The following RIPOR3 variants were observed in gnomAD, a reference collection of about 807,000 sequenced individuals.
RIPOR3 encodes family with sequence similarity 65 member C.
RIPOR3 carries 95 observed loss-of-function variants against 114.3 expected under a neutral mutation model. That is an observed-to-expected ratio of 0.83 (90% CI 0.70 to 0.99). The LOEUF (loss-of-function observed/expected upper bound fraction) is 0.99. Ranked by LOEUF, RIPOR3 falls within the 50% of genes least tolerant of loss-of-function variation. RIPOR3 has a pLI of 0.00. For missense variants in RIPOR3, 1,252 were observed against 1,266.9 expected, an observed-to-expected ratio of 0.99 and a Z score of 0.18; for synonymous variants, 575 against 543.8, an observed-to-expected ratio of 1.06 and a Z score of -0.80.
At chr20:50,604,917 T>C in intron 11 of RIPOR3, 143 bp from the exon 12 acceptor site, 1 of 1,048,978 alleles carries the variant, frequency 9.5e-7, no homozygotes, top group Non-Finnish European at 1.3e-6. Context: ...TGAGGAGCTC[T>C]GCTCTAAACT....
intron 19 of RIPOR3, among the ~76,000 whole-genome samples, chr20:50,590,582 G>A (rs914308009): frequency 6.6e-6 from 1 of 152,200 alleles, no homozygotes; most frequent in African/African-American, 2.4e-5. Context: ...AAGACAGACT[G>A]GGAGTAGGAT....
At chr20:50,669,725 G>A (rs548441633) in intron 1 of RIPOR3, among the ~76,000 whole-genome samples, 140 of 152,216 alleles carry the variant, frequency 9.2e-4, no homozygotes, top group African/African-American at 3.1e-3. Flanking sequence ...GGTCCCCTCC[G>A]GGCCAGGATG....
chr20:50,594,682 G>A lies in RIPOR3; in HGVS notation c.2083C>T (p.Leu695=), dbSNP rs550490028. ...IPQASRTKGC[L]KLWRGCTGPG... The stretch of plus-strand genomic sequence containing the variant: ...CCTGTGCACCCTCTCCACAGCTTCA[G>A]GCACCCCTTCGTCCGCGAGGCCTGT... The change falls in exon 17 of 22, where the codon CTG becomes TTG. Residue 695 remains leucine, a synonymous_variant. Coordinates refer to ENST00000327979, the MANE Select transcript of RIPOR3 (RefSeq NM_001290268.2). The A allele has an allele frequency of 1.2e-6, 2 of 1,612,834 alleles. No individual in the cohort carries two copies. Among genetic ancestry groups the A allele is most frequent in the East Asian group, 2.2e-5 (1 of 44,852 alleles).
chr20:50,652,903 T>G (rs981874576), intron 1 of RIPOR3, among the ~76,000 whole-genome samples: 6 of 152,164 alleles, frequency 3.9e-5, no homozygotes, highest in African/African-American at 1.4e-4. Context: ...TGGTTAAGTA[T>G]GAAATTAAGC....
At chr20:50,655,946 A>G (rs554742115) in intron 1 of RIPOR3, among the ~76,000 whole-genome samples, 8 of 152,066 alleles carry the variant, frequency 5.3e-5, no homozygotes, top group Non-Finnish European at 1.0e-4. Context: ...TATGAAGAAG[A>G]AAGTAAAAAT....
intron 1 of RIPOR3, among the ~76,000 whole-genome samples, chr20:50,664,340 T>C (rs2086111190): frequency 6.6e-6 from 1 of 152,032 alleles, no homozygotes; most frequent in Non-Finnish European, 1.5e-5. Context: ...ACAGCGTGGC[T>C]GCTAGGCTGT....
chr20:50,629,393 C>A (rs899018678), intron 2 of RIPOR3, among the ~76,000 whole-genome samples: 1 of 152,192 alleles, frequency 6.6e-6, no homozygotes, highest in African/African-American at 2.4e-5. Flanking sequence ...GGCCTGCCTG[C>A]TCGTAAATGG....
At position 50,630,761 on chromosome 20, in the gene RIPOR3, G is replaced by A. The variant is rs1388919207; in HGVS notation, c.99C>T (p.Ser33=). The A allele has an allele frequency of 1.2e-6, 2 of 1,611,834 alleles. No individual in the cohort carries two copies. The highest frequency in any genetic ancestry group is 1.7e-6 in the Non-Finnish European group (2 of 1,179,476). Residue 33 remains serine, a synonymous_variant, in exon 2 of 22, where the codon AGC becomes AGT. Transcript: ENST00000327979. ...VGRSASFAGF[S]SAQSRRIAKS... ...ACGCGATCCTCCGGCTCTGTGCACT[G>A]CTGAAGCCTGCGAAGGAGGCGCTCC...
At chr20:50,659,865 G>A (rs1451307030) in intron 1 of RIPOR3, 1 of 152,066 alleles carries the variant, frequency 6.6e-6, no homozygotes, top group African/African-American at 2.4e-5. Flanking sequence ...TCTCCAATCA[G>A]GTGGAGGAGG....
chr20:50,683,305 A>C (rs1470426726), intron 1 of RIPOR3, among the ~76,000 whole-genome samples: 1 of 152,194 alleles, frequency 6.6e-6, no homozygotes, highest in African/African-American at 2.4e-5. Context: ...GAGTTCCAGC[A>C]CGCAGGTGGG....
intron 2 of RIPOR3, among the ~76,000 whole-genome samples, chr20:50,622,656 C>T (rs2084460261): frequency 1.3e-5 from 2 of 152,030 alleles, no homozygotes; most frequent in South Asian, 2.1e-4. Flanking sequence ...TCCCAACACA[C>T]ACACATGCCC....
At chr20:50,622,396 G>T (rs551010656) in intron 2 of RIPOR3, among the ~76,000 whole-genome samples, 13 of 151,920 alleles carry the variant, frequency 8.6e-5, no homozygotes, top group Non-Finnish European at 1.5e-4. Flanking sequence ...TGTCCAGGCT[G>T]GTCTCGAACT....
chr20:50,611,039 G>T, intron 5 of RIPOR3, 133 bp from the exon 6 acceptor site: 6 of 1,104,608 alleles, frequency 5.4e-6, no homozygotes, highest in Non-Finnish European at 7.8e-6. Context: ...AAGGCTCATC[G>T]CAGAGACTCA....
chr20:50,676,852 C>T (rs1219405251), intron 1 of RIPOR3, among the ~76,000 whole-genome samples: 2 of 151,012 alleles, frequency 1.3e-5, no homozygotes, highest in Non-Finnish European at 2.9e-5. Context: ...AATCCTCCTG[C>T]CTCATTCTCC....
chr20:50,617,807 A>C (rs890350059), intron 3 of RIPOR3, among the ~76,000 whole-genome samples: 1 of 151,526 alleles, frequency 6.6e-6, no homozygotes, highest in Non-Finnish European at 1.5e-5. Context: ...TATTTTTAGT[A>C]GAGACGGGGT....
intron 1 of RIPOR3, among the ~76,000 whole-genome samples, chr20:50,646,151 A>T (rs2085393980): frequency 6.6e-6 from 1 of 151,896 alleles, no homozygotes; most frequent in South Asian, 2.1e-4. Context: ...ATTTATAGAC[A>T]GGTTCTCACT....
intron 1 of RIPOR3, among the ~76,000 whole-genome samples, chr20:50,669,600 G>T (rs1326572043): frequency 6.6e-6 from 1 of 152,162 alleles, no homozygotes; most frequent in East Asian, 1.9e-4. Context: ...CCCTCTGGGG[G>T]CTTGGGAGGA....
Position 50,609,651 on chromosome 20 carries a change from G to A in RIPOR3, c.498C>T (p.Ala166=), listed in dbSNP as rs1475223144. Reference sequence around the variant, plus strand: ...CGCGGCTCGGGGGGCACCGGGCGAAGGCCCGCTGCATGCTGGAGGCGCCGT... The same window carrying A: ...CGCGGCTCGGGGGGCACCGGGCGAAAGCCCGCTGCATGCTGGAGGCGCCGT... The part of the protein sequence containing the change: ...LRDGASSMQR[A]FARCPPSRAA... The change falls in exon 7 of 22, where the codon GCC becomes GCT. Residue 166 remains alanine (A), a synonymous_variant. Transcript: ENST00000327979. 1.4e-6 allele frequency: 2 copies of A among 1,398,754 alleles called. No homozygotes were observed. Among genetic ancestry groups the A allele is most frequent in the Non-Finnish European group, 1.9e-6 (2 of 1,078,862 alleles). The allele number at this position is 1,398,754 out of a possible 1,614,324, so 86.6% of individuals were successfully genotyped here.
intron 1 of RIPOR3, among the ~76,000 whole-genome samples, chr20:50,666,227 T>TTTTCTTTTCTTTTCTTTTCTTTTC (rs1355256257): frequency 1.4e-4 from 2 of 14,512 alleles, no homozygotes; most frequent in Non-Finnish European, 5.9e-4. Context: ...CTTTTCTTTT[T>TTTTCTTTTCTTTTCTTTTCTTTTC]TGAGACGGAG....
Sources: gnomAD v4.1 joint callset for allele counts (sites outside exome capture counted in the v4.1 genomes callset) on GRCh38, gnomAD v4.1.1 for gene constraint, MANE v1.5 for transcripts, NCBI Gene and HGNC (gene_info 2026-07-23, HGNC 2026-07-21) for gene names.